Variants in CCDC66 observed in about 807,000 individuals in gnomAD.
The protein encoded by CCDC66 is coiled-coil domain containing 66, also known as coiled-coil domain-containing protein 66.
In CCDC66, 133 loss-of-function variants were observed where a neutral mutation model predicts 128.3. That is an observed-to-expected ratio of 1.04 (90% confidence interval 0.90 to 1.20). The LOEUF (loss-of-function observed/expected upper bound fraction) is 1.20, where lower values mean the gene tolerates loss of function less well. Ranked by LOEUF, CCDC66 falls within the 50% of genes most tolerant of loss-of-function variation. The pLI, the probability that CCDC66 is intolerant of heterozygous loss-of-function variation, is 0.00. For missense variants in CCDC66, 1,126 were observed against 1,075.5 expected (o/e 1.05, Z -0.66); for synonymous variants, 387 against 357.0 (o/e 1.08, Z -0.95).
At chr3:56,618,006 G>A in intron 14 of CCDC66, 166 bp from the exon 15 acceptor site, 2 of 633,440 alleles carry the variant, frequency 3.2e-6, no homozygotes, top group South Asian at 1.9e-5. Flanking sequence ...AACTCCCAAG[G>A]ATTAGTTTTG....
chr3:56,613,622 A>C lies in CCDC66; in HGVS notation c.1438A>C (p.Arg480=). Residue 480 remains arginine (R), a synonymous_variant, in exon 11 of 18, where the codon AGG becomes CGG. Coordinates refer to ENST00000394672, the MANE Select transcript of CCDC66 (RefSeq NM_001141947.3). The part of the protein sequence containing the change: ...AITAQVEEKR[R]KKQLEEEQRK... ...CACTGCCCAGGTAGAAGAGAAGCGC[A>C]GGAAGAAACAACTGGAGGAAGAGCA... is the stretch of plus-strand genomic sequence containing the variant. 2 of 1,614,000 alleles carry C rather than the reference A, an allele frequency of 1.2e-6. No homozygotes were observed. The highest frequency in any genetic ancestry group is 1.7e-6 in the Non-Finnish European group (2 of 1,179,904).
intron 7 of CCDC66, among the ~76,000 whole-genome samples, chr3:56,587,299 T>G (rs2069958478): frequency 6.6e-6 from 1 of 151,906 alleles, no homozygotes; most frequent in African/African-American, 2.4e-5. Context: ...TATAGTGGAT[T>G]TTATTAGTTT....
At chr3:56,562,668 C>T (rs1012125157) in intron 3 of CCDC66, among the ~76,000 whole-genome samples, 15 of 151,948 alleles carry the variant, frequency 9.9e-5, no homozygotes, top group African/African-American at 3.4e-4. Flanking sequence ...GATGAAGTTT[C>T]GTTGTTGTTG....
intron 11 of CCDC66, among the ~76,000 whole-genome samples, chr3:56,614,344 A>G (rs1319058042): frequency 6.6e-6 from 1 of 152,092 alleles, no homozygotes; most frequent in Non-Finnish European, 1.5e-5. Context: ...TTTTTGCTTC[A>G]TTTCTAAGCA....
Position 56,621,583 on chromosome 3 carries a change from GA to G in CCDC66, c.2816del (p.Asn939IlefsTer41). ...ELESSLLPLA[E>X]NQEESFGSSF Reference sequence around the variant, plus strand: ...GGAAAGTAGTCTCCTGCCTTTAGCTGAAAATCAAGAAGAGAGTTTTGGTTCT... The same window carrying G: ...GGAAAGTAGTCTCCTGCCTTTAGCTGAAATCAAGAAGAGAGTTTTGGTTCT... On this transcript the variant is annotated frameshift_variant, in exon 18 of 18. Coordinates refer to ENST00000394672, the MANE Select transcript of CCDC66 (RefSeq NM_001141947.3). LOFTEE classifies it high-confidence loss of function. The G allele has an allele frequency of 6.2e-7, 1 of 1,600,536 alleles. No homozygotes were observed. Among genetic ancestry groups the G allele is most frequent in the African/African-American group, 1.3e-5 (1 of 74,522 alleles).
intron 4 of CCDC66, among the ~76,000 whole-genome samples, chr3:56,564,833 C>A (rs1481694603): frequency 6.6e-6 from 1 of 152,142 alleles, no homozygotes; most frequent in Non-Finnish European, 1.5e-5. Flanking sequence ...TTTGGGGACC[C>A]ATTAACTCCT....
chr3:56,585,015 A>T (rs1470870919), intron 7 of CCDC66, among the ~76,000 whole-genome samples: 1 of 146,828 alleles, frequency 6.8e-6, no homozygotes, highest in Non-Finnish European at 1.5e-5. Flanking sequence ...TCAGGCAGGG[A>T]GGTTGCAGTG....
chr3:56,566,554 A>C lies in CCDC66; in HGVS notation c.545-40A>C, dbSNP rs1328071312. ...CTATGCCAAGTATTATAACAGATGT[A>C]ATTTAGTGTTAATTTTAAAACATGT... is the stretch of plus-strand genomic sequence containing the variant. On this transcript the variant is annotated intron_variant, in intron 4 of 17. Coordinates refer to ENST00000394672, the MANE Select transcript of CCDC66 (RefSeq NM_001141947.3). 10 of 1,287,998 alleles carry C rather than the reference A, an allele frequency of 7.8e-6. No individual in the cohort carries two copies. In the East Asian group the frequency reaches 2.3e-4, roughly 30 times the overall value. The allele number at this position is 1,287,998 out of a possible 1,614,324, so 79.8% of individuals were successfully genotyped here.
Position 56,619,492 on chromosome 3 carries a change from C to G in CCDC66, c.2600C>G (p.Pro867Arg). The change falls in exon 16 of 18, where the codon CCT becomes CGT. Residue 867 changes from proline to arginine, a missense_variant. By Grantham distance (103) the Pro-to-Arg change is moderately radical (BLOSUM62 -2). Transcript: ENST00000394672. ...GATCCCGATGCACCATTGTCTGGGCCTTCAACCCAGGACCCTCAGTACCAA... is the reference window on the plus strand; with the variant it reads ...GATCCCGATGCACCATTGTCTGGGCGTTCAACCCAGGACCCTCAGTACCAA... ...YLDPDAPLSG[P>R]STQDPQYQNS... is the part of the protein sequence containing the mutation. 6.2e-7 allele frequency: 1 copy of G among 1,613,652 alleles called. No homozygotes were observed. The highest frequency in any genetic ancestry group is 1.7e-4 in the Middle Eastern group (1 of 6,056).
At chr3:56,559,063 G>A (rs2064749807) in intron 2 of CCDC66, among the ~76,000 whole-genome samples, 153 bp downstream of exon 2, 1 of 152,084 alleles carries the variant, frequency 6.6e-6, no homozygotes, top group African/African-American at 2.4e-5. Flanking sequence ...TTTCCTTCTA[G>A]CCAAATAAAA....
In CCDC66 at chr3:56,619,918, G is replaced by A. The variant is rs893382637; in HGVS notation, c.2760+17G>A. On this transcript the variant is annotated intron_variant, in intron 17 of 17. Transcript: ENST00000394672. ...CTGAGACAGGTATGAGCTTTTTCAA[G>A]TGTAGATATGTCTGTTCTTTATGTG... The A allele has an allele frequency of 4.3e-6, 7 of 1,612,208 alleles. No homozygotes were observed. The highest frequency in any genetic ancestry group is 5.9e-6 in the Non-Finnish European group (7 of 1,179,156).
chr3:56,609,311 C>A (rs973643174), intron 10 of CCDC66, among the ~76,000 whole-genome samples: 25 of 152,158 alleles, frequency 1.6e-4, no homozygotes, highest in African/African-American at 5.8e-4. Flanking sequence ...TTGTGATGTT[C>A]TCCTGTTGGA....
chr3:56,577,876 T>C (rs2067653195), intron 7 of CCDC66, among the ~76,000 whole-genome samples: 1 of 151,822 alleles, frequency 6.6e-6, no homozygotes, highest in Admixed American at 6.6e-5. Flanking sequence ...TTGTTCTTTT[T>C]GGTTAGGATT....
At chr3:56,560,249 TG>T (rs1380947494) in intron 3 of CCDC66, among the ~76,000 whole-genome samples, 1 of 152,246 alleles carries the variant, frequency 6.6e-6, no homozygotes, top group African/African-American at 2.4e-5. Context: ...TTTTAATTTT[TG>T]AGGCAGAGTC....
chr3:56,591,656 T>A (rs1015723293), intron 7 of CCDC66, among the ~76,000 whole-genome samples: 3 of 152,346 alleles, frequency 2.0e-5, no homozygotes, highest in African/African-American at 7.2e-5. Flanking sequence ...TTGTTAAATC[T>A]TTTACCTAAA....
At chr3:56,571,064 T>TA (rs1559625418) in intron 6 of CCDC66, 117 bp from the exon 7 acceptor site, 1 of 684,950 alleles carries the variant, frequency 1.5e-6, no homozygotes, top group South Asian at 2.9e-5. Context: ...ATCTCCTTCC[T>TA]AAAAAAGAGT....
intron 7 of CCDC66, among the ~76,000 whole-genome samples, chr3:56,583,265 G>A (rs1025332103): frequency 6.6e-6 from 1 of 151,932 alleles, no homozygotes; most frequent in Non-Finnish European, 1.5e-5. Flanking sequence ...TACATATTTA[G>A]GAAGAGCCCC....
At position 56,604,914 on chromosome 3, in the gene CCDC66, C is replaced by T. The variant is rs1010769472; in HGVS notation, c.1405-8675C>T. ...GTCACTTTCAGGTACACTAATCAAA[C>T]GTAGATTTGGTCTTTTCACATACTC... On this transcript the variant is annotated intron_variant, in intron 10 of 17. Transcript: ENST00000394672. Among the ~76,000 whole-genome samples the T allele has an allele frequency of 5.3e-5, 8 of 151,648 alleles. 1 individual carries two copies. The South Asian group carries it at 8.4e-4, about 16-fold the overall frequency.
intron 10 of CCDC66, among the ~76,000 whole-genome samples, chr3:56,606,101 C>T (rs1469619342): frequency 2.6e-5 from 4 of 152,228 alleles, no homozygotes; most frequent in East Asian, 1.9e-4. Context: ...CAAGCCTCAG[C>T]AGTGGTGGGT....
Sources: allele counts gnomAD v4.1 joint callset (sites outside exome capture counted in the v4.1 genomes callset), GRCh38; gene constraint gnomAD v4.1.1; transcripts MANE v1.5; gene names NCBI Gene and HGNC (gene_info 2026-07-23, HGNC 2026-07-21).